ATP8B4: variants seen among roughly 807,000 people sequenced by gnomAD.
The protein encoded by ATP8B4 is probable phospholipid-transporting ATPase IM.
Under a neutral mutation model 145.6 loss-of-function variants are expected in ATP8B4, and 133 were observed. The observed-to-expected ratio is 0.91, with a 90% CI of 0.79 to 1.05. ATP8B4 has a LOEUF of 1.05. Among genes scored for constraint, ATP8B4 ranks in the 50% least tolerant of loss-of-function variants. ATP8B4 has a pLI of 0.00. For synonymous variants in ATP8B4, 507 were observed against 492.9 expected (o/e 1.03, Z -0.38); for missense variants, 1,458 against 1,425.2 (o/e 1.02, Z -0.37).
At chr15:49,954,463 T>A (rs1450878529) in intron 14 of ATP8B4, among the ~76,000 whole-genome samples, 1 of 152,088 alleles carries the variant, frequency 6.6e-6, no homozygotes, top group Non-Finnish European at 1.5e-5. Context: ...CGAGAATTGA[T>A]AAGGAACTTA....
intron 3 of ATP8B4, among the ~76,000 whole-genome samples, chr15:50,072,958 C>A (rs1600198989): frequency 1.2e-4 from 4 of 32,312 alleles, no homozygotes; most frequent in Non-Finnish European, 1.6e-4. Context: ...CTCTCTCTCT[C>A]TCTCTCTCTC....
intron 1 of ATP8B4, among the ~76,000 whole-genome samples, chr15:50,113,751 A>C (rs974207413): frequency 4.7e-5 from 7 of 147,460 alleles, no homozygotes; most frequent in African/African-American, 1.7e-4. Context: ...AGGCAGGAGA[A>C]TCACTTGAGC....
At chr15:50,078,704 C>A (rs942361007) in intron 2 of ATP8B4, among the ~76,000 whole-genome samples, 5 of 151,820 alleles carry the variant, frequency 3.3e-5, no homozygotes, top group Non-Finnish European at 7.4e-5. Context: ...AACCCACAAA[C>A]CTTCATAAAA....
intron 8 of ATP8B4, among the ~76,000 whole-genome samples, chr15:49,999,913 T>C (rs916587058): frequency 1.3e-5 from 2 of 152,176 alleles, no homozygotes; most frequent in African/African-American, 4.8e-5. Flanking sequence ...ATTTTGCCTT[T>C]TCAAAAGGCA....
intron 6 of ATP8B4, among the ~76,000 whole-genome samples, chr15:50,017,194 C>A (rs1429889470): frequency 6.6e-6 from 1 of 152,186 alleles, no homozygotes; most frequent in African/African-American, 2.4e-5. Flanking sequence ...ATCTGATTCA[C>A]CTCCTTTGCC....
chr15:49,902,644 G>C (rs947133525), intron 20 of ATP8B4, among the ~76,000 whole-genome samples: 3 of 152,172 alleles, frequency 2.0e-5, no homozygotes, highest in African/African-American at 7.2e-5. Flanking sequence ...GTTACAAAGG[G>C]GAGAGGGAAG....
intron 1 of ATP8B4, among the ~76,000 whole-genome samples, chr15:50,180,768 G>GA (rs2044834301): frequency 6.6e-6 from 1 of 152,094 alleles, no homozygotes; most frequent in Non-Finnish European, 1.5e-5. Flanking sequence ...CCAGGGAAAT[G>GA]ATGCAACCAG....
chr15:50,141,917 G>A (rs1030813923), intron 1 of ATP8B4, among the ~76,000 whole-genome samples: 3 of 152,156 alleles, frequency 2.0e-5, no homozygotes, highest in Admixed American at 6.5e-5. Context: ...GAGGTGTTGC[G>A]GTAAGCCAGA....
At chr15:49,919,709 G>A (rs952707408) in intron 18 of ATP8B4, among the ~76,000 whole-genome samples, 10 of 152,006 alleles carry the variant, frequency 6.6e-5, no homozygotes, top group Non-Finnish European at 8.8e-5. Flanking sequence ...GAGCCACCGC[G>A]CCCGGCCACG....
rs534437413 is a variant in ATP8B4 at position 49,924,558 on chromosome 15, A to G, written c.1643-1064T>C. On this transcript the variant is annotated intron_variant, in intron 16 of 27. Transcript: ENST00000284509. ...TTACTGTTAATGTAATGCCAAAGAA[A>G]ATGGCGTACAAAATTTAGTGCTTAA... 7.2e-5 allele frequency among the ~76,000 whole-genome samples: 11 copies of G among 152,314 alleles called. No individual in the cohort carries two copies. The East Asian group carries it at 2.1e-3, about 29-fold the overall frequency.
At chr15:49,994,402 C>T (rs544280132) in intron 9 of ATP8B4, among the ~76,000 whole-genome samples, 37 of 152,136 alleles carry the variant, frequency 2.4e-4, no homozygotes, top group African/African-American at 6.5e-4. Flanking sequence ...GTCTTCCTCT[C>T]GGCCCCCCAA....
chr15:49,862,485 G>T, intron 26 of ATP8B4, 110 bp from the exon 27 acceptor site: 1 of 1,248,392 alleles, frequency 8.0e-7, no homozygotes, highest in Non-Finnish European at 1.1e-6. Flanking sequence ...ATGGAGTCTT[G>T]CTCTGTCTTC....
At chr15:50,144,509 G>C (rs2044251057) in intron 1 of ATP8B4, among the ~76,000 whole-genome samples, 1 of 152,058 alleles carries the variant, frequency 6.6e-6, no homozygotes, top group Non-Finnish European at 1.5e-5. Flanking sequence ...AGAGCAAAAA[G>C]GGAAAATGTC....
chr15:50,034,300 G>A lies in ATP8B4; in HGVS notation c.362+4468C>T, dbSNP rs1247533512. ...GGCTGGAGTGCAATGGCATGATCTC[G>A]GCCCACTGCAACCTCCCCCTCTGGG... On this transcript the variant is annotated intron_variant, in intron 6 of 27. Transcript: ENST00000284509. Among the ~76,000 whole-genome samples the A allele has an allele frequency of 3.4e-5, 5 of 148,212 alleles. 1 individual carries two copies. The highest frequency in any genetic ancestry group is 2.0e-4 in the East Asian group (1 of 5,070).
chr15:50,162,687 T>C (rs2044539255), intron 1 of ATP8B4, among the ~76,000 whole-genome samples: 1 of 152,114 alleles, frequency 6.6e-6, no homozygotes, highest in Non-Finnish European at 1.5e-5. Flanking sequence ...TTTGTATTTT[T>C]AGTAGAGGCG....
chr15:50,173,116 T>C lies in ATP8B4; in HGVS notation c.-43+9145A>G, dbSNP rs537766076. On this transcript the variant is annotated intron_variant, in intron 1 of 3. Coordinates refer to the ATP8B4 transcript ENST00000558829. ...CCCAGCCGCCGCCCCGTCTGGGAGG[T>C]GGGGGGCGCCTCTGCCCGGCCGCCC... Among the ~76,000 whole-genome samples, 372 of 147,632 alleles carry C rather than the reference T, an allele frequency of 2.5e-3. 1 individual carries two copies. The highest frequency in any genetic ancestry group is 8.9e-3 in the African/African-American group (353 of 39,556).
intron 14 of ATP8B4, among the ~76,000 whole-genome samples, chr15:49,947,081 C>A (rs561252063): frequency 6.6e-6 from 1 of 152,168 alleles, no homozygotes; most frequent in Non-Finnish European, 1.5e-5. Flanking sequence ...GCTGCTCTGG[C>A]GCTGGAGCCC....
chr15:50,052,677 T>C (rs546389638), intron 3 of ATP8B4, among the ~76,000 whole-genome samples: 8 of 152,228 alleles, frequency 5.3e-5, no homozygotes, highest in Non-Finnish European at 1.2e-4. Context: ...TGGAAGGCAA[T>C]GTCATTGCTT....
intron 14 of ATP8B4, among the ~76,000 whole-genome samples, chr15:49,961,001 C>T (rs918572316): frequency 1.9e-4 from 29 of 152,088 alleles, no homozygotes; most frequent in African/African-American, 5.3e-4. Flanking sequence ...GGCATGGTGG[C>T]GGGCGCCTGT....
Sources: gnomAD v4.1 joint callset for allele counts (sites outside exome capture counted in the v4.1 genomes callset) on GRCh38, gnomAD v4.1.1 for gene constraint, MANE v1.5 for transcripts, NCBI Gene and HGNC (gene_info 2026-07-23, HGNC 2026-07-21) for gene names.